The following PPP1R13B variants were observed in gnomAD, a reference collection of about 807,000 sequenced individuals.
PPP1R13B encodes the protein protein phosphatase 1 regulatory subunit 13B.
In PPP1R13B, 44 loss-of-function variants were observed where a neutral mutation model predicts 119.8. That is an observed-to-expected ratio of 0.37 (90% CI 0.29 to 0.47). The LOEUF is 0.47. PPP1R13B is among the 20% of genes least tolerant of loss of function. The pLI, the probability that PPP1R13B is intolerant of heterozygous loss-of-function variation, is 0.99. For synonymous variants in PPP1R13B, 542 were observed against 561.5 expected (o/e 0.97, Z 0.49); for missense variants, 1,227 against 1,413.5 (o/e 0.87, Z 2.12).
chr14:103,834,803 G>A (rs2086737658), intron 1 of PPP1R13B, among the ~76,000 whole-genome samples: 1 of 151,912 alleles, frequency 6.6e-6, no homozygotes, highest in Admixed American at 6.6e-5. Flanking sequence ...ATGTTGGTCA[G>A]GCTGATCTTG....
intron 7 of PPP1R13B, 149 bp from the exon 8 acceptor site, chr14:103,750,083 G>T: frequency 1.2e-6 from 1 of 813,500 alleles, no homozygotes; most frequent in Non-Finnish European, 1.9e-6. Flanking sequence ...TATTTCACAG[G>T]TACAGCAGAG....
At chr14:103,823,127 A>G (rs1314819413) in intron 1 of PPP1R13B, among the ~76,000 whole-genome samples, 1 of 152,072 alleles carries the variant, frequency 6.6e-6, no homozygotes, top group African/African-American at 2.4e-5. Context: ...TCATGAGGTC[A>G]GGAGATCGAG....
intron 2 of PPP1R13B, among the ~76,000 whole-genome samples, chr14:103,785,857 G>A (rs966980223): frequency 1.2e-4 from 19 of 152,110 alleles, no homozygotes; most frequent in Non-Finnish European, 2.1e-4. Flanking sequence ...ACCAGGCCAT[G>A]TTATTTCTTA....
Position 103,738,538 on chromosome 14 carries a change from G to A in PPP1R13B, c.2864+141C>T. 7.6e-7 allele frequency: 1 copy of A among 1,314,970 alleles called. No individual in the cohort carries two copies. Among genetic ancestry groups the A allele is most frequent in the Non-Finnish European group, 1.0e-6 (1 of 964,386 alleles). The allele number at this position is 1,314,970 out of a possible 1,614,324, so 81.5% of individuals were successfully genotyped here. A position where few individuals can be genotyped will look rare whatever the true frequency, so the allele number is the denominator to read the frequency against. On this transcript the variant is annotated intron_variant, in intron 14 of 16. Transcript: ENST00000202556. This position sits in a 1 kb window ranked among gnomAD's most constrained non-coding sequence, Gnocchi z 5.6. ...AAAAGGCAAGGAAACCCTGGCAACA[G>A]CTGTCTTTCAAGGATGAAATGATGG...
chr14:103,757,022 A>G (rs957322610), intron 5 of PPP1R13B, among the ~76,000 whole-genome samples: 3 of 151,642 alleles, frequency 2.0e-5, no homozygotes, highest in Non-Finnish European at 4.4e-5. Context: ...TTGGCCTCCC[A>G]AAGTGCTGGG....
At chr14:103,846,869 G>C in intron 1 of PPP1R13B, 1 of 561,372 alleles carries the variant, frequency 1.8e-6, no homozygotes, top group Non-Finnish European at 3.1e-6. Context: ...AAGGCTACGG[G>C]AATGCGCCTG....
At chr14:103,792,284 C>T (rs2085642937) in intron 2 of PPP1R13B, among the ~76,000 whole-genome samples, 1 of 151,870 alleles carries the variant, frequency 6.6e-6, no homozygotes, top group East Asian at 1.9e-4. Context: ...ATCAAGCGAT[C>T]GTCCCACCTC....
chr14:103,767,265 GA>G (rs2084958560), intron 4 of PPP1R13B, among the ~76,000 whole-genome samples: 1 of 152,230 alleles, frequency 6.6e-6, no homozygotes, highest in African/African-American at 2.4e-5. Flanking sequence ...AGTGAACTAT[GA>G]TTGCACCACT....
chr14:103,805,484 T>C (rs1475754502), intron 1 of PPP1R13B, among the ~76,000 whole-genome samples: 3 of 151,940 alleles, frequency 2.0e-5, no homozygotes, highest in Admixed American at 6.6e-5. Context: ...GGTGTGAGGA[T>C]TGCTTGAGCT....
chr14:103,788,086 T>C (rs1202580808), intron 2 of PPP1R13B, among the ~76,000 whole-genome samples: 1 of 151,084 alleles, frequency 6.6e-6, no homozygotes, highest in African/African-American at 2.4e-5. Flanking sequence ...CACTCCAGCC[T>C]GGGTGACAGA....
intron 4 of PPP1R13B, among the ~76,000 whole-genome samples, chr14:103,774,859 T>G (rs909038946): frequency 2.0e-5 from 3 of 152,206 alleles, no homozygotes; most frequent in African/African-American, 4.8e-5. Context: ...GCTTAAAAGG[T>G]AGATGTGTAA....
At chr14:103,762,949 C>T in intron 4 of PPP1R13B, 1 of 1,052,748 alleles carries the variant, frequency 9.5e-7, no homozygotes, top group Non-Finnish European at 1.4e-6. Context: ...ACAGTATCTG[C>T]TAAATAAAAG....
chr14:103,790,159 T>C (rs1768007947), intron 2 of PPP1R13B, among the ~76,000 whole-genome samples: 2 of 151,294 alleles, frequency 1.3e-5, no homozygotes, highest in South Asian at 2.1e-4. Context: ...GGCAGGAGAA[T>C]TGCTTGAATC....
At chr14:103,810,753 A>G (rs2086132488) in intron 1 of PPP1R13B, among the ~76,000 whole-genome samples, 2 of 151,548 alleles carry the variant, frequency 1.3e-5, no homozygotes, top group South Asian at 4.2e-4. Flanking sequence ...CCTGGATGAC[A>G]GAGCGAGACT....
At chr14:103,823,428 AGGAGAAGGGGAGGGAT>A (rs2086459741) in intron 1 of PPP1R13B, among the ~76,000 whole-genome samples, 1 of 152,078 alleles carries the variant, frequency 6.6e-6, no homozygotes, top group South Asian at 2.1e-4. Context: ...TTATTCTCAA[AGGAGAAGGGGAGGGAT>A]GGAGAAGGGA....
Position 103,736,114 on chromosome 14 carries a change from G to C in PPP1R13B, c.3120C>G (p.Phe1040Leu). 1.2e-6 allele frequency: 2 copies of C among 1,614,208 alleles called. No individual in the cohort carries two copies. The highest frequency in any genetic ancestry group is 1.1e-5 in the South Asian group (1 of 91,090). ...GGATGGTGAGGGCGTCCCCTTCGTG[G>C]AAGGACAGCTCGTCACTGTTCTGGG... ...YEAQNSDELS[F>L]HEGDALTILR... is the part of the protein sequence containing the mutation. Residue 1040 changes from phenylalanine (F) to leucine (L), a missense_variant, in exon 16 of 17, where the codon TTC (phenylalanine) becomes TTG (leucine). Coordinates refer to ENST00000202556, the MANE Select transcript of PPP1R13B (RefSeq NM_015316.3).
Position 103,738,319 on chromosome 14 carries a change from T to C in PPP1R13B, c.2864+360A>G, listed in dbSNP as rs1567080149. ...GGAATGAACAATGCGACAACCTACA[T>C]GCCTGACCCAGGGGGATGCTGAGGC... is the stretch of plus-strand genomic sequence containing the variant. On this transcript the variant is annotated intron_variant, in intron 14 of 16. Transcript: ENST00000202556. The surrounding 1 kb of genome is among the most constrained non-coding windows in gnomAD (Gnocchi z 5.6). The C allele has an allele frequency of 6.2e-6, 2 of 321,440 alleles. No individual in the cohort carries two copies. Among genetic ancestry groups the C allele is most frequent in the Non-Finnish European group, 1.2e-5 (2 of 171,908 alleles). The allele number at this position is 321,440 out of a possible 1,614,324, so 19.9% of individuals were successfully genotyped here.
At position 103,741,857 on chromosome 14, in the gene PPP1R13B, C is replaced by T. The variant is rs989321226; in HGVS notation, c.1755G>A (p.Gln585=). 9 of 1,614,200 alleles carry T rather than the reference C, an allele frequency of 5.6e-6. No homozygotes were observed. Among genetic ancestry groups the T allele is most frequent in the Non-Finnish European group, 7.6e-6 (9 of 1,180,040 alleles). Reference sequence around the variant, plus strand: ...GGTAATTCTTAGGTGGTGTGGCTTGCTGGAGGTACATGGAGTATATGGAAC... The same window carrying T: ...GGTAATTCTTAGGTGGTGTGGCTTGTTGGAGGTACATGGAGTATATGGAAC... The part of the protein sequence containing the change: ...NSSSIYSMYL[Q]QATPPKNYQP... The change falls in exon 11 of 17, where the codon CAG becomes CAA. Residue 585 remains glutamine, a synonymous_variant. Coordinates refer to ENST00000202556, the MANE Select transcript of PPP1R13B (RefSeq NM_015316.3).
intron 3 of PPP1R13B, among the ~76,000 whole-genome samples, chr14:103,779,105 T>G (rs1346572372): frequency 6.6e-6 from 1 of 151,884 alleles, no homozygotes; most frequent in Non-Finnish European, 1.5e-5. Flanking sequence ...CTCAGCAACA[T>G]GGGGAGACTT....
Sources: allele counts gnomAD v4.1 joint callset (sites outside exome capture counted in the v4.1 genomes callset), GRCh38; gene constraint gnomAD v4.1.1; non-coding constraint Gnocchi (gnomAD v3.1); transcripts MANE v1.5; gene names NCBI Gene and HGNC (gene_info 2026-07-23, HGNC 2026-07-21).